CDH12: variants seen among roughly 807,000 people sequenced by gnomAD.
The protein encoded by CDH12 is cadherin-12.
In CDH12, 41 loss-of-function variants were observed where a neutral mutation model predicts 74.1. The ratio of observed to expected loss-of-function variants is 0.55; its 90% CI spans 0.43 to 0.72. The LOEUF is 0.72. Among genes scored for constraint, CDH12 ranks in the 30% least tolerant of loss-of-function variants. The pLI, the probability that CDH12 is intolerant of heterozygous loss-of-function variation, is 0.00. For synonymous variants in CDH12, 399 were observed against 355.0 expected, an observed-to-expected ratio of 1.12 and a Z score of -1.39; for missense variants, 945 against 977.2, an observed-to-expected ratio of 0.97 and a Z score of 0.44.
chr5:22,716,787 T>C (rs540914578), intron 1 of CDH12, among the ~76,000 whole-genome samples: 1 of 151,896 alleles, frequency 6.6e-6, no homozygotes, highest in Non-Finnish European at 1.5e-5. Flanking sequence ...AGGCCTAGGC[T>C]AACATGTCTG....
intron 1 of CDH12, among the ~76,000 whole-genome samples, chr5:22,599,683 A>C (rs1736763153): frequency 6.6e-6 from 1 of 152,138 alleles, no homozygotes; most frequent in Admixed American, 6.6e-5. Flanking sequence ...ACTATCCTAT[A>C]AGGAAGCTTC....
intron 1 of CDH12, among the ~76,000 whole-genome samples, chr5:22,525,292 C>A (rs1197406234): frequency 6.6e-6 from 1 of 152,066 alleles, no homozygotes; most frequent in African/African-American, 2.4e-5. Context: ...GTCTTTATAG[C>A]AGCACATCTC....
intron 5 of CDH12, among the ~76,000 whole-genome samples, chr5:22,051,264 A>C (rs1740343062): frequency 6.6e-6 from 1 of 152,134 alleles, no homozygotes; most frequent in Non-Finnish European, 1.5e-5. Context: ...CATAGAAGGC[A>C]CTTAATAATT....
Position 22,594,692 on chromosome 5 carries a change from C to T in CDH12, c.-522-89328G>A, listed in dbSNP as rs148211470. 2.4e-3 allele frequency among the ~76,000 whole-genome samples: 362 copies of T among 152,122 alleles called. 3 individuals carry two copies. The highest frequency in any genetic ancestry group is 8.3e-3 in the African/African-American group (343 of 41,492). ...AAATGAGCATTTTAACTTATGGATG[C>T]CAATTTGGGTTGGAAACAACTATGT... On this transcript the variant is annotated intron_variant, in intron 1 of 14. Coordinates refer to ENST00000382254, the MANE Select transcript of CDH12 (RefSeq NM_004061.5).
At chr5:22,201,887 G>A (rs557020153) in intron 4 of CDH12, among the ~76,000 whole-genome samples, 1 of 152,280 alleles carries the variant, frequency 6.6e-6, no homozygotes, top group Admixed American at 6.5e-5. Context: ...GGGAAACAAT[G>A]ATGGAAAGCC....
chr5:22,791,801 A>G (rs1747920250), intron 1 of CDH12, among the ~76,000 whole-genome samples: 1 of 152,170 alleles, frequency 6.6e-6, no homozygotes, highest in African/African-American at 2.4e-5. Flanking sequence ...AAATCTCATG[A>G]GAACTTACTC....
chr5:22,295,184 G>A (rs1011559024), intron 3 of CDH12, among the ~76,000 whole-genome samples: 3 of 151,834 alleles, frequency 2.0e-5, no homozygotes, highest in Admixed American at 2.0e-4. Flanking sequence ...AGTCTTCCTT[G>A]CCTGTTTACT....
At chr5:22,140,932 T>C (rs1461008441) in intron 4 of CDH12, among the ~76,000 whole-genome samples, 1 of 152,206 alleles carries the variant, frequency 6.6e-6, no homozygotes, top group East Asian at 1.9e-4. Flanking sequence ...CAACTCCTGC[T>C]CACTGTTATC....
intron 6 of CDH12, among the ~76,000 whole-genome samples, chr5:21,899,208 G>C (rs191448087): frequency 6.6e-6 from 1 of 152,244 alleles, no homozygotes; most frequent in African/African-American, 2.4e-5. Context: ...GATGCTTTCA[G>C]AACAGTTTCT....
chr5:21,831,082 C>G (rs1390677957), intron 8 of CDH12, among the ~76,000 whole-genome samples: 1 of 151,096 alleles, frequency 6.6e-6, no homozygotes, highest in Non-Finnish European at 1.5e-5. Flanking sequence ...AAAAACCAAG[C>G]AAACAAACAA....
At chr5:22,272,512 G>T (rs963109766) in intron 3 of CDH12, among the ~76,000 whole-genome samples, 1 of 152,140 alleles carries the variant, frequency 6.6e-6, no homozygotes. Flanking sequence ...GAAAACTGAT[G>T]CAGGGCCCTA....
chr5:21,837,838 T>C (rs1202598923), intron 8 of CDH12, among the ~76,000 whole-genome samples: 3 of 152,176 alleles, frequency 2.0e-5, no homozygotes, highest in Admixed American at 2.0e-4. Context: ...TTCTTTCTCC[T>C]GGTTCAAAAA....
chr5:22,578,512 C>T (rs371277634), intron 1 of CDH12, among the ~76,000 whole-genome samples: 5 of 151,956 alleles, frequency 3.3e-5, no homozygotes, highest in Non-Finnish European at 7.4e-5. Flanking sequence ...TTGTAGAATA[C>T]GGTTTTAGAT....
intron 3 of CDH12, among the ~76,000 whole-genome samples, chr5:22,225,656 C>A (rs189939850): frequency 1.3e-5 from 2 of 152,070 alleles, no homozygotes; most frequent in East Asian, 1.9e-4. Flanking sequence ...ATTTGGCATG[C>A]TTTGGTTATG....
At chr5:22,801,266 T>C (rs1748495870) in intron 1 of CDH12, among the ~76,000 whole-genome samples, 1 of 152,154 alleles carries the variant, frequency 6.6e-6, no homozygotes, top group Admixed American at 6.6e-5. Flanking sequence ...CCATAGACTT[T>C]TAATTGAAAA....
At chr5:22,056,705 G>A (rs149652797) in intron 5 of CDH12, among the ~76,000 whole-genome samples, 328 of 152,266 alleles carry the variant, frequency 2.2e-3, no homozygotes, top group Non-Finnish European at 3.5e-3. Context: ...TGGATTGAAG[G>A]TAGTACAGCA....
chr5:22,043,145 C>CA (rs768821753), intron 5 of CDH12, among the ~76,000 whole-genome samples: 139 of 152,004 alleles, frequency 9.1e-4, no homozygotes, highest in Non-Finnish European at 1.7e-3. Context: ...ACAACCACAA[C>CA]AAAAAAATTA....
intron 1 of CDH12, among the ~76,000 whole-genome samples, chr5:22,616,774 A>C (rs2126833915): frequency 6.6e-6 from 1 of 152,030 alleles, no homozygotes; most frequent in African/African-American, 2.4e-5. Context: ...TTGAAACCTA[A>C]CCCCCAATGT....
chr5:21,755,039 G>GAATTACTTA (rs1744307472), intron 14 of CDH12, among the ~76,000 whole-genome samples: 1 of 152,198 alleles, frequency 6.6e-6, no homozygotes, highest in African/African-American at 2.4e-5. Flanking sequence ...ATGCAAGAAA[G>GAATTACTTA]TGGAAGAATT....
Sources: gnomAD v4.1 joint callset for allele counts (sites outside exome capture counted in the v4.1 genomes callset) on GRCh38, gnomAD v4.1.1 for gene constraint, MANE v1.5 for transcripts, NCBI Gene and HGNC (gene_info 2026-07-23, HGNC 2026-07-21) for gene names.